TMEM209: variants seen among roughly 807,000 people sequenced by gnomAD.
The protein encoded by TMEM209 is transmembrane protein 209.
In TMEM209, 65 loss-of-function variants were observed where a neutral mutation model predicts 76.2. The observed-to-expected ratio is 0.85, with a 90% CI of 0.70 to 1.05. TMEM209 has a LOEUF of 1.05. Ranked by LOEUF, TMEM209 falls within the 50% of genes least tolerant of loss-of-function variation. The pLI is 0.00. For synonymous variants in TMEM209, 239 were observed against 237.6 expected (o/e 1.01, Z -0.06); for missense variants, 623 against 685.5 (o/e 0.91, Z 1.02).
intron 10 of TMEM209, among the ~76,000 whole-genome samples, chr7:130,177,428 G>T (rs1035891706): frequency 6.6e-6 from 1 of 151,974 alleles, no homozygotes; most frequent in Non-Finnish European, 1.5e-5. Flanking sequence ...AGCTGGGCAC[G>T]GTGGCTCATG....
intron 5 of TMEM209, among the ~76,000 whole-genome samples, chr7:130,200,157 A>T (rs534971200): frequency 3.3e-5 from 5 of 151,890 alleles, no homozygotes; most frequent in African/African-American, 1.2e-4. Flanking sequence ...CTCTCTATAT[A>T]TATATATATT....
chr7:130,192,518 A>C, intron 6 of TMEM209, 104 bp downstream of exon 6: 1 of 972,032 alleles, frequency 1.0e-6, no homozygotes, highest in Non-Finnish European at 1.6e-6. Flanking sequence ...AAAACATGCT[A>C]AGCTAATAAA....
rs1796834779 is a variant in TMEM209, at chr7:130,164,741, C to T, written c.*1710G>A. On this transcript the variant is annotated 3_prime_UTR_variant, in exon 15 of 15. Coordinates refer to ENST00000397622, the MANE Select transcript of TMEM209 (RefSeq NM_032842.4). The stretch of plus-strand genomic sequence containing the variant: ...ATTGTTAAAATGTTTCTCCATGGTG[C>T]TTTTAATGAAGTATATGCAACTAGT... 6.6e-6 allele frequency: 1 copy of T among 152,096 alleles called. No individual in the cohort carries two copies. Among genetic ancestry groups the T allele is most frequent in the Non-Finnish European group, 1.5e-5 (1 of 67,994 alleles). The allele number at this position is 152,096 out of a possible 1,614,324, so 9.4% of individuals were successfully genotyped here.
intron 9 of TMEM209, among the ~76,000 whole-genome samples, chr7:130,180,087 C>T (rs137911297): frequency 2.6e-5 from 4 of 152,092 alleles, no homozygotes; most frequent in East Asian, 3.9e-4. Flanking sequence ...GGATATGCAC[C>T]GTAGCATTAT....
chr7:130,192,709 T>G lies in TMEM209; in HGVS notation c.688A>C (p.Thr230Pro), dbSNP rs900203741. 4 of 1,613,672 alleles carry G rather than the reference T, an allele frequency of 2.5e-6. No individual in the cohort carries two copies. Residue 230 changes from threonine to proline, a missense_variant, in exon 6 of 15, where the codon ACT (threonine) becomes CCT (proline). Thr to Pro is a conservative substitution (Grantham distance 38, BLOSUM62 -1). Transcript: ENST00000397622. ...RSSPTVYNSP[T>P]DKEDYMTDLR... ...TCGGTCATGTAGTCTTCTTTGTCAG[T>G]AGGTGAGTTGTAGACGGTAGGTGAA... is the stretch of plus-strand genomic sequence containing the variant.
rs1251524299 is a variant in TMEM209 at position 130,202,080 on chromosome 7, T to C, written c.343A>G (p.Thr115Ala). The C allele has an allele frequency of 2.5e-6, 4 of 1,611,866 alleles. No homozygotes were observed. The highest frequency in any genetic ancestry group is 3.4e-6 in the Non-Finnish European group (4 of 1,178,888). The change falls in exon 5 of 15, where the codon ACG becomes GCG. Residue 115 changes from threonine to alanine, a missense_variant. Physicochemically the swap from Thr to Ala is moderately conservative, Grantham distance 58. Coordinates refer to ENST00000397622, the MANE Select transcript of TMEM209 (RefSeq NM_032842.4). ...LGLKTAVVQT[T>A]PPHDLAATQI... ...GTTGCTGCCAGATCATGTGGAGGCG[T>C]AGTCTGTACAACTAGAAGGAAAAAA... is the stretch of plus-strand genomic sequence containing the variant.
At position 130,185,301 on chromosome 7, in the gene TMEM209, T is replaced by TC. The variant is rs1160075326; in HGVS notation, c.841dup (p.Asp281GlyfsTer16). 1 of 1,613,806 alleles carries TC rather than the reference T, an allele frequency of 6.2e-7. No homozygotes were observed. Among genetic ancestry groups the TC allele is most frequent in the Non-Finnish European group, 8.5e-7 (1 of 1,179,864 alleles). ...AAACTTCTTTAAAGTTTGTGCATAA[T>TC]CCCCCATAGAACGACTATAGTTCCA... On this transcript the variant is annotated frameshift_variant, in exon 7 of 15. Transcript: ENST00000397622. LOFTEE classifies it high-confidence loss of function.
At position 130,165,322 on chromosome 7, in the gene TMEM209, G is replaced by A. The variant is rs1562881203; in HGVS notation, c.*1129C>T. 1 of 152,126 alleles carries A rather than the reference G, an allele frequency of 6.6e-6. No individual in the cohort carries two copies. Among genetic ancestry groups the A allele is most frequent in the Non-Finnish European group, 1.5e-5 (1 of 68,020 alleles). 9.4% of individuals were successfully genotyped at this position (152,126 alleles called of 1,614,324 possible). On this transcript the variant is annotated 3_prime_UTR_variant, in exon 15 of 15. Coordinates refer to ENST00000397622, the MANE Select transcript of TMEM209 (RefSeq NM_032842.4). ...TACATATACAGAAAATAAAGATGGT[G>A]AGTCAAACAAAACATACAAACTTGG...
At chr7:130,204,713 G>A (rs1798368516) in intron 1 of TMEM209, among the ~76,000 whole-genome samples, 1 of 152,230 alleles carries the variant, frequency 6.6e-6, no homozygotes. Context: ...TAAGGGTTAT[G>A]TCTAGAAATA....
rs554881165 is a variant in TMEM209, at chr7:130,167,754, T to C, written c.1632-1249A>G. On this transcript the variant is annotated intron_variant, in intron 14 of 14. Coordinates refer to ENST00000397622, the MANE Select transcript of TMEM209 (RefSeq NM_032842.4). ...CCTGTTACTGCACAAATACCTGACATTAAATTGATAATGTATTTGGATCAA... is the reference window on the plus strand; with the variant it reads ...CCTGTTACTGCACAAATACCTGACACTAAATTGATAATGTATTTGGATCAA... Among the ~76,000 whole-genome samples, 3 of 152,296 alleles carry C rather than the reference T, an allele frequency of 2.0e-5. No individual in the cohort carries two copies. The East Asian group carries it at 5.8e-4, about 29-fold the overall frequency.
At chr7:130,199,216 T>C (rs1798101171) in intron 5 of TMEM209, among the ~76,000 whole-genome samples, 1 of 151,852 alleles carries the variant, frequency 6.6e-6, no homozygotes, top group Non-Finnish European at 1.5e-5. Flanking sequence ...GTCACCTTTT[T>C]AATTTTTTTA....
intron 5 of TMEM209, among the ~76,000 whole-genome samples, chr7:130,201,507 A>G (rs1169990002): frequency 6.6e-6 from 1 of 152,176 alleles, no homozygotes. Flanking sequence ...CTAAAACTCT[A>G]AAAAGGTATA....
At chr7:130,168,841 A>T (rs530085903) in intron 14 of TMEM209, among the ~76,000 whole-genome samples, 1 of 152,286 alleles carries the variant, frequency 6.6e-6, no homozygotes, top group South Asian at 2.1e-4. Flanking sequence ...TTATCTACTG[A>T]GTATGCATTA....
At chr7:130,186,968 C>T (rs764948446) in intron 6 of TMEM209, among the ~76,000 whole-genome samples, 7 of 152,240 alleles carry the variant, frequency 4.6e-5, no homozygotes, top group East Asian at 1.9e-4. Context: ...TAGGCCAGTG[C>T]GCGGTGGCTC....
intron 10 of TMEM209, 76 bp from the exon 11 acceptor site, chr7:130,175,685 A>G: frequency 8.9e-7 from 1 of 1,129,940 alleles, no homozygotes; most frequent in Non-Finnish European, 1.2e-6. Flanking sequence ...AAGGGAATAT[A>G]ATAAGGGAAG....
intron 10 of TMEM209, among the ~76,000 whole-genome samples, chr7:130,178,173 C>T (rs1280110961): frequency 6.6e-6 from 1 of 152,154 alleles, no homozygotes; most frequent in Non-Finnish European, 1.5e-5. Context: ...GTCATAATGG[C>T]ACCCATTCTT....
intron 10 of TMEM209, among the ~76,000 whole-genome samples, chr7:130,176,613 G>T (rs1239896470): frequency 2.6e-5 from 4 of 151,872 alleles, no homozygotes; most frequent in Admixed American, 2.0e-4. Flanking sequence ...ACACCATAGG[G>T]ATGCATTCAG....
In TMEM209 at chr7:130,202,153, T is replaced by C. The variant is rs569281839; in HGVS notation, c.332-62A>G. 4 of 1,527,518 alleles carry C rather than the reference T, an allele frequency of 2.6e-6. No individual in the cohort carries two copies. The Admixed American group carries it at 6.6e-5, about 25-fold the overall frequency. The allele number at this position is 1,527,518 out of a possible 1,614,324, so 94.6% of individuals were successfully genotyped here. ...CTTCAAATAAAATTATACGAAAATATATTTAAGCAACTAAGTCTTTCTCTT... is the reference window on the plus strand; with the variant it reads ...CTTCAAATAAAATTATACGAAAATACATTTAAGCAACTAAGTCTTTCTCTT... On this transcript the variant is annotated intron_variant, in intron 4 of 14. Transcript: ENST00000397622.
intron 1 of TMEM209, 74 bp downstream of exon 1, chr7:130,205,299 T>A: frequency 6.2e-6 from 10 of 1,613,300 alleles, no homozygotes; most frequent in Non-Finnish European, 8.5e-6. Flanking sequence ...CCAGGACAGA[T>A]CAGCAGGCGC....
Sources: allele counts gnomAD v4.1 joint callset (sites outside exome capture counted in the v4.1 genomes callset), GRCh38; gene constraint gnomAD v4.1.1; transcripts MANE v1.5; gene names NCBI Gene and HGNC (gene_info 2026-07-23, HGNC 2026-07-21).